The following AHNAK2 variants were observed in gnomAD, a reference collection of about 807,000 sequenced individuals.
AHNAK2 encodes protein AHNAK2.
AHNAK2 carries 18 observed loss-of-function variants against 30.7 expected under a neutral mutation model. The observed-to-expected ratio is 0.59, with a 90% CI of 0.41 to 0.87. The LOEUF (loss-of-function observed/expected upper bound fraction) is 0.87. Among genes scored for constraint, AHNAK2 ranks in the 40% least tolerant of loss-of-function variants. AHNAK2 has a pLI of 0.00. For missense variants in AHNAK2, 8,604 were observed against 7,373.0 expected (o/e 1.17, Z -6.11); for synonymous variants, 3,590 against 3,073.8 (o/e 1.17, Z -5.56).
At position 104,971,700 on chromosome 14, in the gene AHNAK2, C is replaced by T. The variant is rs943188708; in HGVS notation, c.55+6483G>A. 3.9e-5 allele frequency among the ~76,000 whole-genome samples: 6 copies of T among 152,362 alleles called. No individual in the cohort carries two copies. In the Middle Eastern group the frequency reaches 0.01, roughly 259 times the overall value. ...TCCTGGTCACCTCACCCTGCTGCACCCTGGGCCCTTAGCCCCCACTCCTCT... is the reference window on the plus strand; with the variant it reads ...TCCTGGTCACCTCACCCTGCTGCACTCTGGGCCCTTAGCCCCCACTCCTCT... On this transcript the variant is annotated intron_variant, in intron 1 of 6. Coordinates refer to ENST00000333244, the MANE Select transcript of AHNAK2 (RefSeq NM_138420.4).
Position 104,946,379 on chromosome 14 carries a change from A to T in AHNAK2, c.9072T>A (p.Thr3024=), listed in dbSNP as rs749256660. The change falls in exon 7 of 7, where the codon ACT becomes ACA. Residue 3024 remains threonine, a synonymous_variant. Coordinates refer to ENST00000333244, the MANE Select transcript of AHNAK2 (RefSeq NM_138420.4). ...LPSMQGDLKT[T]DISIEPPSAQ... is the part of the protein sequence containing the mutation. ...CAGAGGGGGGCTCAATGCTGATGTC[A>T]GTGGTCTTCAGGTCCCCCTGCATGG... 4 of 1,612,026 alleles carry T rather than the reference A, an allele frequency of 2.5e-6. No individual in the cohort carries two copies. The South Asian group carries it at 4.4e-5, about 18-fold the overall frequency.
In AHNAK2 at chr14:104,952,475, AG is replaced by A. The variant is rs1409236347; in HGVS notation, c.2975del (p.Thr992MetfsTer41). The A allele has an allele frequency of 1.2e-6, 2 of 1,612,516 alleles. No individual in the cohort carries two copies. The highest frequency in any genetic ancestry group is 2.7e-5 in the African/African-American group (2 of 74,280). Reference protein sequence around the residue: ...GDLSLADKDVTAKDSKFKMPK... With the variant: ...GDLSLADKDVXAKDSKFKMPK... ...GCATTTTGAACTTGCTGTCTTTGGC[AG>A]TCACGTCCTTGTCGGCCAGGGACAG... On this transcript the variant is annotated frameshift_variant, in exon 7 of 7. Transcript: ENST00000333244. LOFTEE classifies it low-confidence loss of function (END_TRUNC).
In AHNAK2 at chr14:104,956,129, G is replaced by A. The variant is rs551998005; in HGVS notation, c.315+459C>T. ...CTGTGTCCTGCAGAGCTCTTGGACT[G>A]CTGGGGCCTCCAAGGAAAAAAACTA... On this transcript the variant is annotated intron_variant, in intron 4 of 6. Transcript: ENST00000333244. Among the ~76,000 whole-genome samples, 275 of 152,326 alleles carry A rather than the reference G, an allele frequency of 1.8e-3. 1 individual carries two copies. The highest frequency in any genetic ancestry group is 6.2e-3 in the African/African-American group (259 of 41,566).
At chr14:104,968,130 C>T (rs1313928656) in intron 1 of AHNAK2, among the ~76,000 whole-genome samples, 1 of 152,258 alleles carries the variant, frequency 6.6e-6, no homozygotes, top group Non-Finnish European at 1.5e-5. Flanking sequence ...ATGCCCTTCC[C>T]CCACTCCCCG....
At position 104,950,910 on chromosome 14, in the gene AHNAK2, G is replaced by T. The variant is rs189508268; in HGVS notation, c.4541C>A (p.Ala1514Asp). ...CTTCGGCGCAGACACATCCACTGAGGCCTCGATGGACTTGCCTGGGGCAGA... is the reference window on the plus strand; with the variant it reads ...CTTCGGCGCAGACACATCCACTGAGTCCTCGATGGACTTGCCTGGGGCAGA... ...GVSAPGKSIE[A>D]SVDVSAPKVE... Residue 1514 changes from alanine to aspartate, a missense_variant, in exon 7 of 7, where the codon GCC (alanine) becomes GAC (aspartate). Coordinates refer to ENST00000333244, the MANE Select transcript of AHNAK2 (RefSeq NM_138420.4). 152 of 1,555,368 alleles carry T rather than the reference G, an allele frequency of 9.8e-5. 14 individuals are homozygous for T. Among genetic ancestry groups the T allele is most frequent in the Middle Eastern group, 6.9e-4 (4 of 5,826 alleles).
chr14:104,962,611 C>G (rs1039673641), intron 1 of AHNAK2, among the ~76,000 whole-genome samples: 1 of 150,250 alleles, frequency 6.7e-6, no homozygotes, highest in African/African-American at 2.5e-5. Flanking sequence ...TTTTTTGGTA[C>G]TTTTAGTAGA....
rs1156482506 is a variant in AHNAK2 at position 104,942,861 on chromosome 14, A to G, written c.12590T>C (p.Val4197Ala). Residue 4197 changes from valine to alanine, a missense_variant, in exon 7 of 7, where the codon GTG becomes GCG. Physicochemically the swap from Val to Ala is moderately conservative, Grantham distance 64. Coordinates refer to ENST00000333244, the MANE Select transcript of AHNAK2 (RefSeq NM_138420.4). ...SADLEVQAGQ[V>A]DVKLPEGPLP... The stretch of plus-strand genomic sequence containing the variant: ...GGGGCCCTCCGGGAGTTTCACGTCC[A>G]CTTGGCCAGCCTGGACCTCCAGGTC... 4 of 1,610,440 alleles carry G rather than the reference A, an allele frequency of 2.5e-6. No individual in the cohort carries two copies. The highest frequency in any genetic ancestry group is 2.2e-5 in the East Asian group (1 of 44,558).
rs202046475 is a variant in AHNAK2, at chr14:104,950,371, G to A, written c.5080C>T (p.Leu1694Phe). ...SEPKVEADVS[L>F]PSMQGDLKTT... ...TTCAGGTCCCCCTGCATGGAGGGGA[G>A]GCTCACATCAGCTTCCACCTTCGGC... Residue 1694 changes from leucine (L) to phenylalanine (F), a missense_variant, in exon 7 of 7, where the codon CTC becomes TTC. By Grantham distance (22) the Leu-to-Phe change is conservative. Coordinates refer to ENST00000333244, the MANE Select transcript of AHNAK2 (RefSeq NM_138420.4). 2.3e-4 allele frequency: 361 copies of A among 1,586,110 alleles called. 19 individuals are homozygous for A. The East Asian group carries it at 4.1e-3, about 18-fold the overall frequency.
chr14:104,949,312 C>A lies in AHNAK2; in HGVS notation c.6139G>T (p.Val2047Phe), dbSNP rs1898512809. 1.8e-6 allele frequency: 2 copies of A among 1,104,324 alleles called. No individual in the cohort carries two copies. Among genetic ancestry groups the A allele is most frequent in the East Asian group, 4.5e-5 (2 of 44,146 alleles). The allele number at this position is 1,104,324 out of a possible 1,614,324, so 68.4% of individuals were successfully genotyped here. A position where few individuals can be genotyped will look rare whatever the true frequency, so the allele number is the denominator to read the frequency against. The change falls in exon 7 of 7, where the codon GTC (valine) becomes TTC (phenylalanine). Residue 2047 changes from valine to phenylalanine, a missense_variant. Coordinates refer to ENST00000333244, the MANE Select transcript of AHNAK2 (RefSeq NM_138420.4). ...SIQPPSADLK[V>F]QTGQVDVKLP... The stretch of plus-strand genomic sequence containing the variant: ...TTCACATCCACCTGGCCAGTCTGGA[C>A]CTTCAGGTCGGCAGAAGGGGGCTGA...
rs752661100 is a variant in AHNAK2 at position 104,973,746 on chromosome 14, C to T, written c.55+4437G>A. Among the ~76,000 whole-genome samples the T allele has an allele frequency of 8.8e-4, 134 of 152,234 alleles. 1 individual carries two copies. The highest frequency in any genetic ancestry group is 2.5e-3 in the South Asian group (12 of 4,836). ...GCCTGGGCAATTGCCTAGCCTCCCA[C>T]CACCGCCACCCCTGCAGGAAGGAGT... On this transcript the variant is annotated intron_variant, in intron 1 of 6. Transcript: ENST00000333244.
At position 104,954,129 on chromosome 14, in the gene AHNAK2, T is replaced by G. The variant is rs769433634; in HGVS notation, c.1322A>C (p.Gln441Pro). The change falls in exon 7 of 7, where the codon CAG becomes CCG. Residue 441 changes from glutamine (Q) to proline (P), a missense_variant. By Grantham distance (76) the Gln-to-Pro change is moderately conservative. Transcript: ENST00000333244. This position sits in a 1 kb window ranked among gnomAD's most constrained non-coding sequence, Gnocchi z 4.3. ...CTCCCGGCTCATTCCAGGAGTTGGC[T>G]GGGCCCTGGGCTTCCTCTGGGCCAC... ...TAVAQRKPRA[Q>P]PTPGMSREGE... 4 of 1,611,624 alleles carry G rather than the reference T, an allele frequency of 2.5e-6. No homozygotes were observed. The South Asian group carries it at 4.4e-5, about 18-fold the overall frequency.
chr14:104,955,405 C>A, intron 5 of AHNAK2, 78 bp downstream of exon 5: 1 of 1,525,196 alleles, frequency 6.6e-7, no homozygotes, highest in South Asian at 1.3e-5. Flanking sequence ...GTGGTTCTTA[C>A]CCCTCAATAC....
chr14:104,942,660 A>G lies in AHNAK2; in HGVS notation c.12791T>C (p.Met4264Thr). 6.2e-7 allele frequency: 1 copy of G among 1,613,268 alleles called. No individual in the cohort carries two copies. The highest frequency in any genetic ancestry group is 8.5e-7 in the Non-Finnish European group (1 of 1,179,650). ...TPVVEVSLPS[M>T]EVDVEAPGAK... The stretch of plus-strand genomic sequence containing the variant: ...TCCCGGGGCCTCGACGTCCACCTCC[A>G]TGCTGGGCAGAGACACCTCCACGAC... The change falls in exon 7 of 7, where the codon ATG (methionine) becomes ACG (threonine). Residue 4264 changes from methionine to threonine, a missense_variant. Coordinates refer to ENST00000333244, the MANE Select transcript of AHNAK2 (RefSeq NM_138420.4).
At chr14:104,977,265 G>A (rs2140887195) in intron 1 of AHNAK2, among the ~76,000 whole-genome samples, 2 of 152,318 alleles carry the variant, frequency 1.3e-5, no homozygotes, top group East Asian at 3.9e-4. Context: ...AATGCCCTGG[G>A]TGTGGTCAGC....
chr14:104,951,790 C>T lies in AHNAK2; in HGVS notation c.3661G>A (p.Glu1221Lys), dbSNP rs200332960. Residue 1221 changes from glutamate to lysine, a missense_variant, in exon 7 of 7, where the codon GAG (glutamate) becomes AAG (lysine). Glu to Lys is a moderately conservative substitution (Grantham distance 56). Transcript: ENST00000333244. ...LSIQPPSADLEVHAGQVDVKL... is the reference protein window; with the variant it reads ...LSIQPPSADLKVHAGQVDVKL... ...ACGTCCACCTGGCCAGCGTGGACCT[C>T]CAGGTCAGCGGAAGGGGGCTGAATG... The T allele has an allele frequency of 4.0e-3, 5,128 of 1,276,780 alleles. 148 individuals are homozygous for T. The highest frequency in any genetic ancestry group is 0.035 in the African/African-American group (1,992 of 57,650). 79.1% of individuals were successfully genotyped at this position (1,276,780 alleles called of 1,614,324 possible). A position where few individuals can be genotyped will look rare whatever the true frequency, so the allele number is the denominator to read the frequency against.
intron 1 of AHNAK2, among the ~76,000 whole-genome samples, chr14:104,962,628 G>A (rs531575126): frequency 1.1e-4 from 16 of 151,946 alleles, no homozygotes; most frequent in Non-Finnish European, 2.2e-4. Context: ...TAGAGATGGG[G>A]TTTCACCATG....
In AHNAK2 at chr14:104,941,625, C is replaced by T. The variant is rs758388095; in HGVS notation, c.13826G>A (p.Arg4609Gln). 6.3e-5 allele frequency: 102 copies of T among 1,613,458 alleles called. No individual in the cohort carries two copies. The highest frequency in any genetic ancestry group is 9.3e-5 in the African/African-American group (7 of 74,916). Residue 4609 changes from arginine (R) to glutamine (Q), a missense_variant, in exon 7 of 7, where the codon CGG (arginine) becomes CAG (glutamine). Transcript: ENST00000333244. ...QAPGSMLDGARLEGDLSLAHE... is the reference protein window; with the variant it reads ...QAPGSMLDGAQLEGDLSLAHE... ...GGCCAGGGACAGGTCCCCCTCAAGC[C>T]GCGCACCATCCAGCATGGATCCTGG...
chr14:104,951,047 G>C lies in AHNAK2; in HGVS notation c.4404C>G (p.Ala1468=). The change falls in exon 7 of 7, where the codon GCC becomes GCG. Residue 1468 remains alanine (A), a synonymous_variant. Transcript: ENST00000333244. The part of the protein sequence containing the change: ...SVEVDVEAPG[A]KLDGGRLEED... ...CCTCCAGCCGTCCACCATCCAGCTTGGCTCCTGGGGCCTCGACATCCACCT... is the reference window on the plus strand; with the variant it reads ...CCTCCAGCCGTCCACCATCCAGCTTCGCTCCTGGGGCCTCGACATCCACCT... 2 of 1,062,472 alleles carry C rather than the reference G, an allele frequency of 1.9e-6. 1 individual carries two copies. The highest frequency in any genetic ancestry group is 2.7e-6 in the Non-Finnish European group (2 of 732,558). 65.8% of individuals were successfully genotyped at this position (1,062,472 alleles called of 1,614,324 possible).
chr14:104,970,927 G>A (rs984969573), intron 1 of AHNAK2, among the ~76,000 whole-genome samples: 1 of 152,158 alleles, frequency 6.6e-6, no homozygotes, highest in African/African-American at 2.4e-5. Flanking sequence ...CAGAAGGGAG[G>A]AGAGGCATAG....
Sources: gnomAD v4.1 joint callset for allele counts (sites outside exome capture counted in the v4.1 genomes callset) on GRCh38, gnomAD v4.1.1 for gene constraint, Gnocchi (gnomAD v3.1) non-coding constraint, MANE v1.5 for transcripts, NCBI Gene and HGNC (gene_info 2026-07-23, HGNC 2026-07-21) for gene names.